GPR180: variants seen among roughly 807,000 people sequenced by gnomAD.
GPR180 encodes G protein-coupled receptor 180.
A neutral mutation model predicts 52.6 loss-of-function variants in GPR180; 53 were observed. That is an observed-to-expected ratio of 1.01 (90% confidence interval 0.81 to 1.27). GPR180 has a LOEUF of 1.27. Among genes scored for constraint, GPR180 ranks in the 50% most tolerant of loss-of-function variants. The probability of loss-of-function intolerance (pLI) is 0.00; values close to 1 mark genes in which losing one functional copy is unlikely to be tolerated. For missense variants in GPR180, 533 were observed against 527.0 expected (o/e 1.01, Z -0.11); for synonymous variants, 200 against 193.1 (o/e 1.04, Z -0.30).
chr13:94,624,365 C>T (rs1442854633), intron 7 of GPR180, among the ~76,000 whole-genome samples: 1 of 152,142 alleles, frequency 6.6e-6, no homozygotes, highest in East Asian at 1.9e-4. Flanking sequence ...GAGCCAGATT[C>T]CTGCTTTATT....
rs1394781520 is a variant in GPR180 at position 94,632,252 on chromosome 13, G to C, written c.*5081G>C. ...GTTAAACAGGTAATATATGCACATT[G>C]TACAAAAATCAGAAAGTTGAAAAAG... On this transcript the variant is annotated 3_prime_UTR_variant, in exon 9 of 9. Transcript: ENST00000376958. 1 of 152,176 alleles carries C rather than the reference G, an allele frequency of 6.6e-6. No homozygotes were observed. Among genetic ancestry groups the C allele is most frequent in the Non-Finnish European group, 1.5e-5 (1 of 68,024 alleles). The allele number at this position is 152,176 out of a possible 1,614,324, so 9.4% of individuals were successfully genotyped here.
chr13:94,613,528 C>T (rs1275907212), intron 3 of GPR180, among the ~76,000 whole-genome samples: 1 of 151,864 alleles, frequency 6.6e-6, no homozygotes. Context: ...TCAAGCAATC[C>T]TCCCACCTTG....
rs114128962 is a variant in GPR180 at position 94,618,090 on chromosome 13, G to C, written c.506-1060G>C. Reference sequence around the variant, plus strand: ...GCACTAGAGGCTGCTCTAATGACTGGTTCCATTTTTAATACAAAGTCTGCA... The same window carrying C: ...GCACTAGAGGCTGCTCTAATGACTGCTTCCATTTTTAATACAAAGTCTGCA... On this transcript the variant is annotated intron_variant, in intron 3 of 8. Coordinates refer to ENST00000376958, the MANE Select transcript of GPR180 (RefSeq NM_180989.6). 9.0e-3 allele frequency among the ~76,000 whole-genome samples: 1,364 copies of C among 152,252 alleles called. 21 individuals are homozygous for C. Among genetic ancestry groups the C allele is most frequent in the African/African-American group, 0.031 (1,270 of 41,526 alleles).
At chr13:94,616,632 C>A (rs1199439742) in intron 3 of GPR180, among the ~76,000 whole-genome samples, 1 of 152,184 alleles carries the variant, frequency 6.6e-6, no homozygotes, top group East Asian at 1.9e-4. Flanking sequence ...GAGTATTTTT[C>A]TTCTTCAGTG....
intron 1 of GPR180, among the ~76,000 whole-genome samples, chr13:94,604,132 A>G (rs1219417412): frequency 6.6e-6 from 1 of 152,002 alleles, no homozygotes; most frequent in Non-Finnish European, 1.5e-5. Flanking sequence ...TCAGGAGTTA[A>G]AGACCAGCCT....
rs1889873612 is a variant in GPR180 at position 94,623,127 on chromosome 13, G to A, written c.913G>A (p.Glu305Lys). Residue 305 changes from glutamate to lysine, a missense_variant, in exon 7 of 9, where the codon GAA becomes AAA. Coordinates refer to ENST00000376958, the MANE Select transcript of GPR180 (RefSeq NM_180989.6). ...TTTGCAGAGTGTTTTGCTACTTTGG[G>A]AACAGTTTGAAGATATCAGTCATCA... ...VMTQSVLLLW[E>K]QFEDISHHSY... is the part of the protein sequence containing the mutation. 1.9e-6 allele frequency: 3 copies of A among 1,611,018 alleles called. No individual in the cohort carries two copies. The highest frequency in any genetic ancestry group is 2.2e-5 in the East Asian group (1 of 44,820).
chr13:94,624,007 C>T (rs1201711287), intron 7 of GPR180, among the ~76,000 whole-genome samples: 14 of 152,184 alleles, frequency 9.2e-5, no homozygotes, highest in Admixed American at 9.2e-4. Context: ...CAGTTAGGAG[C>T]TATCCTTCAG....
chr13:94,626,718 C>T (rs1041590240), intron 8 of GPR180, among the ~76,000 whole-genome samples: 7 of 152,158 alleles, frequency 4.6e-5, no homozygotes, highest in African/African-American at 1.7e-4. Flanking sequence ...CCTGATTTTT[C>T]TTATTTACTG....
intron 3 of GPR180, among the ~76,000 whole-genome samples, chr13:94,618,420 A>ATTTTGTTTTTTTTTTTTTTTTT (rs1889806045): frequency 2.3e-5 from 2 of 87,156 alleles, no homozygotes; most frequent in African/African-American, 6.3e-5. Flanking sequence ...TCAGCACAGG[A>ATTTTGTTTTTTTTTTTTTTTTT]TTTTTTTTTT....
At chr13:94,618,703 G>T (rs1374841609) in intron 3 of GPR180, among the ~76,000 whole-genome samples, 1 of 151,934 alleles carries the variant, frequency 6.6e-6, no homozygotes, top group Non-Finnish European at 1.5e-5. Context: ...GATGCTGCTG[G>T]GCAAGAGAAC....
chr13:94,626,601 C>A (rs1889932060), intron 8 of GPR180, among the ~76,000 whole-genome samples: 1 of 152,122 alleles, frequency 6.6e-6, no homozygotes, highest in Admixed American at 6.5e-5. Flanking sequence ...GGACAGTAGT[C>A]TACAAAAATA....
At chr13:94,604,345 A>T (rs150711482) in intron 1 of GPR180, among the ~76,000 whole-genome samples, 3 of 15,318 alleles carry the variant, frequency 2.0e-4, no homozygotes, top group Admixed American at 6.4e-4. Flanking sequence ...AAAATAAATT[A>T]AAAAAAAAAA....
At position 94,630,368 on chromosome 13, in the gene GPR180, A is replaced by G. The variant is rs943329773; in HGVS notation, c.*3197A>G. 2.0e-5 allele frequency: 3 copies of G among 152,218 alleles called. No homozygotes were observed. Among genetic ancestry groups the G allele is most frequent in the Non-Finnish European group, 2.9e-5 (2 of 68,048 alleles). 9.4% of individuals were successfully genotyped at this position (152,218 alleles called of 1,614,324 possible). A position where few individuals can be genotyped will look rare whatever the true frequency, so the allele number is the denominator to read the frequency against. The stretch of plus-strand genomic sequence containing the variant: ...CATTCTCCACAGTGTAGCCAAAACA[A>G]TCTCTTAAAAATGGAAATCATCTGG... On this transcript the variant is annotated 3_prime_UTR_variant, in exon 9 of 9. Coordinates refer to ENST00000376958, the MANE Select transcript of GPR180 (RefSeq NM_180989.6).
chr13:94,624,564 G>A (rs1163512450), intron 7 of GPR180, among the ~76,000 whole-genome samples: 6 of 152,094 alleles, frequency 3.9e-5, no homozygotes, highest in African/African-American at 1.2e-4. Context: ...TGCTTTTTTC[G>A]TTGTTGTTTT....
chr13:94,607,613 TTTG>T (rs1449881104), intron 2 of GPR180, among the ~76,000 whole-genome samples: 1 of 151,776 alleles, frequency 6.6e-6, no homozygotes, highest in African/African-American at 2.4e-5. Context: ...ATTTTATTTA[TTTG>T]TTATAAAATC....
intron 7 of GPR180, among the ~76,000 whole-genome samples, chr13:94,624,780 G>A (rs1168252508): frequency 6.6e-6 from 1 of 152,200 alleles, no homozygotes; most frequent in Non-Finnish European, 1.5e-5. Context: ...CTGACCTTGT[G>A]ATATGCCCGC....
Position 94,612,331 on chromosome 13 carries a change from T to C in GPR180, c.446T>C (p.Val149Ala), listed in dbSNP as rs1566978155. ...GTGGAAGATATCCCATTTGAAATGG[T>C]GTTACTAAACCCAGATGCCGAAGGG... is the stretch of plus-strand genomic sequence containing the variant. ...SQVEDIPFEM[V>A]LLNPDAEGNP... The change falls in exon 3 of 9, where the codon GTG (valine) becomes GCG (alanine). Residue 149 changes from valine (V) to alanine (A), a missense_variant. Transcript: ENST00000376958. 6.2e-7 allele frequency: 1 copy of C among 1,613,880 alleles called. No individual in the cohort carries two copies. The highest frequency in any genetic ancestry group is 1.1e-5 in the South Asian group (1 of 91,080).
intron 3 of GPR180, among the ~76,000 whole-genome samples, chr13:94,617,934 G>T (rs1889798435): frequency 1.3e-5 from 2 of 152,134 alleles, no homozygotes; most frequent in Non-Finnish European, 2.9e-5. Flanking sequence ...CTGAAAGCTA[G>T]CCTGCTGCTT....
intron 2 of GPR180, among the ~76,000 whole-genome samples, chr13:94,610,072 T>C (rs1007824299): frequency 6.6e-6 from 1 of 152,202 alleles, no homozygotes; most frequent in African/African-American, 2.4e-5. Context: ...TTAAATTTGC[T>C]TTATGTCTAT....
Sources: gnomAD v4.1 joint callset for allele counts (sites outside exome capture counted in the v4.1 genomes callset) on GRCh38, gnomAD v4.1.1 for gene constraint, MANE v1.5 for transcripts, NCBI Gene and HGNC (gene_info 2026-07-23, HGNC 2026-07-21) for gene names.